The following ITPR2 variants were observed in gnomAD, a reference collection of about 807,000 sequenced individuals.
The protein encoded by ITPR2 is inositol 1,4,5-trisphosphate-gated calcium channel ITPR2.
Under a neutral mutation model 317.1 loss-of-function variants are expected in ITPR2, and 207 were observed. The observed-to-expected ratio is 0.65, with a 90% CI of 0.58 to 0.73. The LOEUF (loss-of-function observed/expected upper bound fraction) is 0.73, where lower values mean the gene tolerates loss of function less well. ITPR2 is among the 30% of genes least tolerant of loss of function. The probability of loss-of-function intolerance (pLI) is 0.00; values close to 1 mark genes in which losing one functional copy is unlikely to be tolerated. For missense variants in ITPR2, 2,613 were observed against 3,284.0 expected, an observed-to-expected ratio of 0.80 and a Z score of 4.99; for synonymous variants, 1,156 against 1,149.1, an observed-to-expected ratio of 1.01 and a Z score of -0.12.
At chr12:26,618,847 T>C (rs1247399441) in intron 26 of ITPR2, among the ~76,000 whole-genome samples, 3 of 152,138 alleles carry the variant, frequency 2.0e-5, no homozygotes. Context: ...CAGTTATACA[T>C]CAACAAGGAT....
intron 26 of ITPR2, among the ~76,000 whole-genome samples, chr12:26,614,715 T>G (rs1225104766): frequency 6.6e-6 from 1 of 152,198 alleles, no homozygotes; most frequent in Non-Finnish European, 1.5e-5. Context: ...AAGCTACATG[T>G]TATATAATTC....
intron 55 of ITPR2, among the ~76,000 whole-genome samples, chr12:26,362,062 A>G (rs543450513): frequency 6.6e-6 from 1 of 152,348 alleles, no homozygotes; most frequent in African/African-American, 2.4e-5. Context: ...TGACTGGATC[A>G]AAGTAATTTT....
chr12:26,744,417 T>C (rs1409276145), intron 2 of ITPR2, among the ~76,000 whole-genome samples: 1 of 152,234 alleles, frequency 6.6e-6, no homozygotes, highest in Non-Finnish European at 1.5e-5. Context: ...CAGGTAACTC[T>C]GCCCCGACTC....
intron 21 of ITPR2, among the ~76,000 whole-genome samples, chr12:26,634,364 C>CA: frequency 6.6e-6 from 1 of 151,792 alleles, no homozygotes; most frequent in East Asian, 1.9e-4. Flanking sequence ...CTCAACATTG[C>CA]AAAAAAAGAA....
chr12:26,680,857 G>A (rs965131018), intron 13 of ITPR2, among the ~76,000 whole-genome samples: 6 of 152,156 alleles, frequency 3.9e-5, no homozygotes, highest in African/African-American at 1.2e-4. Flanking sequence ...ATGTGGAGGA[G>A]AGTCTTTTGG....
intron 26 of ITPR2, among the ~76,000 whole-genome samples, chr12:26,608,423 G>A (rs1347655373): frequency 1.3e-5 from 2 of 152,088 alleles, no homozygotes; most frequent in Admixed American, 6.5e-5. Context: ...CGTCTGGGAA[G>A]TGAGGAGCAC....
chr12:26,468,116 T>C (rs1942212331), intron 45 of ITPR2, among the ~76,000 whole-genome samples: 1 of 152,104 alleles, frequency 6.6e-6, no homozygotes, highest in South Asian at 2.1e-4. Flanking sequence ...ATGTAAGAAT[T>C]CAAAACAAAG....
At chr12:26,538,076 TATC>T (rs1364569139) in intron 37 of ITPR2, among the ~76,000 whole-genome samples, 2 of 152,248 alleles carry the variant, frequency 1.3e-5, no homozygotes, top group African/African-American at 4.8e-5. Context: ...TGCAAATTGA[TATC>T]ATCATAGAAT....
chr12:26,611,769 A>C (rs912427473), intron 26 of ITPR2, among the ~76,000 whole-genome samples: 4 of 152,208 alleles, frequency 2.6e-5, no homozygotes, highest in African/African-American at 9.7e-5. Context: ...CGGTGGATGA[A>C]CGTAAAGGGT....
At chr12:26,653,841 C>A in intron 21 of ITPR2, 135 bp downstream of exon 21, 2 of 637,118 alleles carry the variant, frequency 3.1e-6, no homozygotes, top group Non-Finnish European at 5.3e-6. Flanking sequence ...ATCACTCAGC[C>A]CTGTCATAGG....
chr12:26,730,247 G>A (rs574089949), intron 2 of ITPR2, among the ~76,000 whole-genome samples: 3 of 152,174 alleles, frequency 2.0e-5, no homozygotes, highest in Non-Finnish European at 4.4e-5. Flanking sequence ...ACTAACATCA[G>A]TAAGGGCAAA....
At chr12:26,638,118 G>A (rs1456711374) in intron 21 of ITPR2, among the ~76,000 whole-genome samples, 1 of 152,142 alleles carries the variant, frequency 6.6e-6, no homozygotes, top group Non-Finnish European at 1.5e-5. Context: ...TTATTCAAAG[G>A]ATTAACTGAA....
At chr12:26,772,452 A>AATGTAT (rs1422730388) in intron 2 of ITPR2, among the ~76,000 whole-genome samples, 28 of 65,094 alleles carry the variant, frequency 4.3e-4, no homozygotes, top group African/African-American at 1.3e-3. Context: ...TATATATATT[A>AATGTAT]TATATATAAT....
At chr12:26,506,880 T>C (rs1247470929) in intron 37 of ITPR2, among the ~76,000 whole-genome samples, 1 of 152,242 alleles carries the variant, frequency 6.6e-6, no homozygotes, top group Non-Finnish European at 1.5e-5. Flanking sequence ...TGTGAATATG[T>C]CAATTTGAAG....
chr12:26,796,164 G>A (rs1264081498), intron 1 of ITPR2, among the ~76,000 whole-genome samples: 1 of 152,026 alleles, frequency 6.6e-6, no homozygotes, highest in Non-Finnish European at 1.5e-5. Context: ...TTCATACAAA[G>A]AAGCCATAAA....
chr12:26,715,597 G>A (rs1565713362), intron 7 of ITPR2, 152 bp from the exon 8 acceptor site: 1 of 826,836 alleles, frequency 1.2e-6, no homozygotes, highest in Admixed American at 2.9e-5. Flanking sequence ...TAAAAATGTG[G>A]GGGGGAAATT....
At chr12:26,598,527 C>T (rs977644694) in intron 30 of ITPR2, among the ~76,000 whole-genome samples, 14 of 152,166 alleles carry the variant, frequency 9.2e-5, no homozygotes, top group Admixed American at 6.5e-4. Context: ...ATGTATCATA[C>T]TTGCTTCCTA....
chr12:26,395,600 G>A (rs565374485), intron 54 of ITPR2, among the ~76,000 whole-genome samples: 2 of 147,950 alleles, frequency 1.4e-5, no homozygotes, highest in African/African-American at 2.5e-5. Context: ...GTGAAAAAAA[G>A]GGCATGGAGG....
At chr12:26,733,824 C>A (rs1441637140) in intron 2 of ITPR2, among the ~76,000 whole-genome samples, 1 of 152,080 alleles carries the variant, frequency 6.6e-6, no homozygotes, top group Non-Finnish European at 1.5e-5. Flanking sequence ...TTTTCCCATT[C>A]TCAATGTGCC....
Sources: gnomAD v4.1 joint callset for allele counts (sites outside exome capture counted in the v4.1 genomes callset) on GRCh38, gnomAD v4.1.1 for gene constraint, MANE v1.5 for transcripts, NCBI Gene and HGNC (gene_info 2026-07-23, HGNC 2026-07-21) for gene names.